CRADD: variants seen among roughly 807,000 people sequenced by gnomAD.
The protein encoded by CRADD is CARD and death domain containing adaptor protein, also known as death domain-containing protein CRADD.
In CRADD, 9 loss-of-function variants were observed where a neutral mutation model predicts 15.5. That is an observed-to-expected ratio of 0.58 (90% CI 0.35 to 1.01). The LOEUF (loss-of-function observed/expected upper bound fraction) is 1.01. CRADD is among the 50% of genes least tolerant of loss of function. The pLI, the probability that CRADD is intolerant of heterozygous loss-of-function variation, is 0.02. For synonymous variants in CRADD, 118 were observed against 107.6 expected, an observed-to-expected ratio of 1.10 and a Z score of -0.60; for missense variants, 227 against 250.3, an observed-to-expected ratio of 0.91 and a Z score of 0.63.
intron 2 of CRADD, among the ~76,000 whole-genome samples, chr12:93,689,414 G>A (rs1428500558): frequency 6.6e-6 from 1 of 151,962 alleles, no homozygotes; most frequent in Non-Finnish European, 1.5e-5. Context: ...AGTAAGGAGT[G>A]TATACATATG....
chr12:93,850,092 T>G lies in CRADD; in HGVS notation c.421T>G (p.Ser141Ala). The G allele has an allele frequency of 1.2e-6, 2 of 1,613,862 alleles. No homozygotes were observed. The highest frequency in any genetic ancestry group is 1.7e-6 in the Non-Finnish European group (2 of 1,179,756). Reference protein sequence around the residue: ...WEPMVLSLGLSQTDIYRCKAN... With the variant: ...WEPMVLSLGLAQTDIYRCKAN... ...GCCCATGGTGCTGTCTCTGGGACTGTCCCAGACGGATATCTACCGCTGTAA... is the reference window on the plus strand; with the variant it reads ...GCCCATGGTGCTGTCTCTGGGACTGGCCCAGACGGATATCTACCGCTGTAA... Residue 141 changes from serine to alanine, a missense_variant, in exon 3 of 3, where the codon TCC becomes GCC. By Grantham distance (99) the Ser-to-Ala change is moderately conservative. Transcript: ENST00000332896. The surrounding 1 kb of genome is among the most constrained non-coding windows in gnomAD (Gnocchi z 4.0).
At chr12:93,774,052 T>A (rs1452691684) in intron 2 of CRADD, among the ~76,000 whole-genome samples, 6 of 149,514 alleles carry the variant, frequency 4.0e-5, no homozygotes, top group Admixed American at 2.0e-4. Flanking sequence ...CCCAGGCTGG[T>A]CTTGAACTCC....
At chr12:93,868,590 G>C (rs1203474571) in intron 2 of CRADD, among the ~76,000 whole-genome samples, 2 of 151,774 alleles carry the variant, frequency 1.3e-5, no homozygotes, top group Non-Finnish European at 2.9e-5. Flanking sequence ...AAAATATAAA[G>C]GCTTCCAGTT....
At chr12:93,843,059 G>A (rs1958068382) in intron 2 of CRADD, among the ~76,000 whole-genome samples, 1 of 152,180 alleles carries the variant, frequency 6.6e-6, no homozygotes, top group Non-Finnish European at 1.5e-5. Context: ...AAACCAGGAT[G>A]AACATTCTAT....
chr12:93,834,486 G>T (rs1957952044), intron 2 of CRADD, among the ~76,000 whole-genome samples: 2 of 152,038 alleles, frequency 1.3e-5, no homozygotes, highest in African/African-American at 4.8e-5. Flanking sequence ...TTTAAAATTA[G>T]TTTGGTTTTT....
chr12:93,870,759 G>A (rs930714346), intron 2 of CRADD, among the ~76,000 whole-genome samples: 4 of 152,196 alleles, frequency 2.6e-5, no homozygotes, highest in Non-Finnish European at 5.9e-5. Flanking sequence ...GGAAAAGCAG[G>A]TCCTAACCCC....
chr12:93,853,947 G>A (rs1958249743), downstream of CRADD, among the ~76,000 whole-genome samples: 1 of 152,174 alleles, frequency 6.6e-6, no homozygotes, highest in Non-Finnish European at 1.5e-5. Context: ...TATAAACAGT[G>A]ATGCAAGGAA....
chr12:93,719,971 G>A (rs1436390159), intron 2 of CRADD, among the ~76,000 whole-genome samples: 1 of 151,076 alleles, frequency 6.6e-6, no homozygotes, highest in Non-Finnish European at 1.5e-5. Flanking sequence ...TTTTGCTTTT[G>A]CTTACTTTGG....
At chr12:93,760,680 CCATTCATTCATT>C (rs57810477) in intron 2 of CRADD, among the ~76,000 whole-genome samples, 5 of 151,876 alleles carry the variant, frequency 3.3e-5, no homozygotes, top group South Asian at 2.1e-4. Flanking sequence ...GGTTTGTTTG[CCATTCATTCATT>C]CATTCATTCA....
At chr12:93,704,204 A>T (rs1028573440) in intron 2 of CRADD, among the ~76,000 whole-genome samples, 1 of 152,114 alleles carries the variant, frequency 6.6e-6, no homozygotes, top group Non-Finnish European at 1.5e-5. Flanking sequence ...TACTCTTAAC[A>T]AAAAGACTAC....
downstream of CRADD, chr12:93,850,776 T>C: frequency 1.0e-6 from 1 of 971,520 alleles, no homozygotes; most frequent in Non-Finnish European, 1.2e-6. This position sits in a 1 kb window ranked among gnomAD's most constrained non-coding sequence, Gnocchi z 4.0. Context: ...TGGGTTTTTT[T>C]TTTTCTTTCT....
chr12:93,764,887 C>G (rs948937378), intron 2 of CRADD, among the ~76,000 whole-genome samples: 1 of 151,430 alleles, frequency 6.6e-6, no homozygotes, highest in African/African-American at 2.4e-5. Flanking sequence ...GGATAAATAC[C>G]TCTGTATCCT....
At chr12:93,885,415 G>A (rs1958529413) in intron 2 of CRADD, among the ~76,000 whole-genome samples, 1 of 152,144 alleles carries the variant, frequency 6.6e-6, no homozygotes, top group South Asian at 2.1e-4. Context: ...CATCCCTAGG[G>A]AATGAAGCCT....
At chr12:93,814,902 T>G (rs1053425449) in intron 2 of CRADD, among the ~76,000 whole-genome samples, 2 of 152,268 alleles carry the variant, frequency 1.3e-5, no homozygotes, top group African/African-American at 4.8e-5. Flanking sequence ...TATCAATTTT[T>G]TGTATGATTT....
chr12:93,701,773 C>T (rs1955848083), intron 2 of CRADD, among the ~76,000 whole-genome samples: 1 of 152,142 alleles, frequency 6.6e-6, no homozygotes, highest in Non-Finnish European at 1.5e-5. Flanking sequence ...GCTGTTATCT[C>T]TCCCCCACTG....
intron 2 of CRADD, among the ~76,000 whole-genome samples, chr12:93,759,757 A>G (rs1956929141): frequency 6.6e-6 from 1 of 152,222 alleles, no homozygotes; most frequent in Admixed American, 6.5e-5. Flanking sequence ...ATTCCAGAAA[A>G]AAAAGCACCA....
chr12:93,744,194 G>A (rs1410830481), intron 2 of CRADD, among the ~76,000 whole-genome samples: 1 of 152,210 alleles, frequency 6.6e-6, no homozygotes, highest in African/African-American at 2.4e-5. Flanking sequence ...AGTAAAGGGA[G>A]CAGCAGGCCT....
chr12:93,851,261 T>G (rs1027203751), downstream of CRADD, among the ~76,000 whole-genome samples: 9 of 152,194 alleles, frequency 5.9e-5, no homozygotes, highest in Non-Finnish European at 7.3e-5. Context: ...CCTCCTTCTG[T>G]ACAGAGATTG....
At chr12:93,752,089 C>T (rs1417817159) in intron 2 of CRADD, among the ~76,000 whole-genome samples, 1 of 152,222 alleles carries the variant, frequency 6.6e-6, no homozygotes, top group Non-Finnish European at 1.5e-5. Flanking sequence ...TGCTTGAGAG[C>T]CCTTTAAAGC....
Sources: allele counts gnomAD v4.1 joint callset (sites outside exome capture counted in the v4.1 genomes callset), GRCh38; gene constraint gnomAD v4.1.1; non-coding constraint Gnocchi (gnomAD v3.1); transcripts MANE v1.5; gene names NCBI Gene and HGNC (gene_info 2026-07-23, HGNC 2026-07-21).